Variants in KIF26B observed in about 807,000 individuals in gnomAD.
KIF26B encodes the protein kinesin-like protein KIF26B.
KIF26B carries 63 observed loss-of-function variants against 151.2 expected under a neutral mutation model. The observed-to-expected ratio is 0.42, with a 90% CI of 0.34 to 0.51. The LOEUF (loss-of-function observed/expected upper bound fraction) is 0.51, where lower values mean the gene tolerates loss of function less well. Among genes scored for constraint, KIF26B ranks in the 20% least tolerant of loss-of-function variants. The pLI is 0.07. For synonymous variants in KIF26B, 1,357 were observed against 1,262.1 expected, an observed-to-expected ratio of 1.08 and a Z score of -1.59; for missense variants, 2,813 against 2,913.6, an observed-to-expected ratio of 0.97 and a Z score of 0.79.
At chr1:245,437,020 G>T (rs1658952468) in intron 4 of KIF26B, among the ~76,000 whole-genome samples, 1 of 151,614 alleles carries the variant, frequency 6.6e-6, no homozygotes, top group Admixed American at 6.6e-5. Context: ...CCAAGTAGCT[G>T]GGATTACAGG....
chr1:245,548,284 TAA>T (rs56942606), intron 5 of KIF26B, among the ~76,000 whole-genome samples: 8 of 149,742 alleles, frequency 5.3e-5, no homozygotes, highest in African/African-American at 1.5e-4. Flanking sequence ...TGGTTGAACT[TAA>T]AAAAAAAAAT....
chr1:245,295,800 G>T (rs1475439650), intron 2 of KIF26B, among the ~76,000 whole-genome samples: 1 of 152,128 alleles, frequency 6.6e-6, no homozygotes, highest in Non-Finnish European at 1.5e-5. Context: ...TTCTGAGCAC[G>T]CTGGATTTGC....
rs377057696 is a variant in KIF26B, at chr1:245,584,774, G to A, written c.1351-17803G>A. Among the ~76,000 whole-genome samples the A allele has an allele frequency of 1.1e-3, 162 of 152,294 alleles. 2 individuals are homozygous for A. In the South Asian group the frequency reaches 0.031, roughly 29 times the overall value. On this transcript the variant is annotated intron_variant, in intron 5 of 14. Coordinates refer to ENST00000407071, the MANE Select transcript of KIF26B (RefSeq NM_018012.4). ...CCAAATAAATATAGATCCAGGAGTT[G>A]TACAACTTTTAAAAGAAAAATTCTT...
At chr1:245,522,059 C>T (rs555289152) in intron 4 of KIF26B, among the ~76,000 whole-genome samples, 191 of 152,090 alleles carry the variant, frequency 1.3e-3, no homozygotes, top group Admixed American at 2.9e-3. Flanking sequence ...TTAGTAGAGA[C>T]GGGGTTTCAC....
At position 245,352,422 on chromosome 1, in the gene KIF26B, C is replaced by G. The variant is rs1379652014; in HGVS notation, c.466-14412C>G. On this transcript the variant is annotated intron_variant, in intron 2 of 14. Coordinates refer to ENST00000407071, the MANE Select transcript of KIF26B (RefSeq NM_018012.4). The surrounding 1 kb of genome is among the most constrained non-coding windows in gnomAD (Gnocchi z 5.0). ...GGGATTACAGGCACCCACCACCACA[C>G]CTGGCTAATTTTTGTATTTTCAGTA... Among the ~76,000 whole-genome samples, 1 of 152,150 alleles carries G rather than the reference C, an allele frequency of 6.6e-6. No homozygotes were observed. The highest frequency in any genetic ancestry group is 1.5e-5 in the Non-Finnish European group (1 of 68,038).
Position 245,698,973 on chromosome 1 carries a change from G to A in KIF26B, c.6114G>A (p.Leu2038=). The part of the protein sequence containing the change: ...IAEVRAKYEW[L]MKELEATKQY... ...AGGTCCGCGCGAAGTACGAGTGGCT[G>A]ATGAAGGAGCTGGAGGCGACCAAAC... is the stretch of plus-strand genomic sequence containing the variant. The change falls in exon 14 of 15, where the codon CTG becomes CTA. Residue 2038 remains leucine, a synonymous_variant. Transcript: ENST00000407071. The surrounding 1 kb of genome is among the most constrained non-coding windows in gnomAD (Gnocchi z 4.0). 6.2e-7 allele frequency: 1 copy of A among 1,614,060 alleles called. No homozygotes were observed. The highest frequency in any genetic ancestry group is 8.5e-7 in the Non-Finnish European group (1 of 1,179,906).
intron 2 of KIF26B, among the ~76,000 whole-genome samples, chr1:245,335,583 G>A (rs1333862567): frequency 6.6e-6 from 1 of 151,892 alleles, no homozygotes; most frequent in Non-Finnish European, 1.5e-5. Context: ...AGAGTCCCAC[G>A]CGGGAAAAGG....
rs140246609 is a variant in KIF26B, at chr1:245,360,749, C to T, written c.466-6085C>T. ...AAAACTGGCCAGGCAGAGTGGCTCA[C>T]GCCTGTAATCCCAGAACTTTGGGAG... On this transcript the variant is annotated intron_variant, in intron 2 of 14. Transcript: ENST00000407071. Among the ~76,000 whole-genome samples, 239 of 152,276 alleles carry T rather than the reference C, an allele frequency of 1.6e-3. 1 individual carries two copies. The highest frequency in any genetic ancestry group is 5.3e-3 in the African/African-American group (222 of 41,550).
chr1:245,382,068 T>C (rs1169718484), intron 3 of KIF26B, among the ~76,000 whole-genome samples: 1 of 152,212 alleles, frequency 6.6e-6, no homozygotes, highest in Non-Finnish European at 1.5e-5. Context: ...TTGCTCTCAA[T>C]TCTTTTGGAT....
At chr1:245,640,651 G>C (rs926773222) in intron 9 of KIF26B, among the ~76,000 whole-genome samples, 4 of 151,858 alleles carry the variant, frequency 2.6e-5, no homozygotes, top group African/African-American at 7.2e-5. Flanking sequence ...TTAATTTGCT[G>C]CTTTTATTTT....
intron 2 of KIF26B, among the ~76,000 whole-genome samples, chr1:245,187,759 G>A (rs1669024967): frequency 6.6e-6 from 1 of 152,066 alleles, no homozygotes; most frequent in East Asian, 1.9e-4. Flanking sequence ...CACTTTTCGT[G>A]GCTATAAGAG....
chr1:245,492,691 GC>G (rs1251070894), intron 4 of KIF26B, among the ~76,000 whole-genome samples: 1 of 152,188 alleles, frequency 6.6e-6, no homozygotes, highest in African/African-American at 2.4e-5. Flanking sequence ...AATATCATTA[GC>G]CTCCCATAGT....
At chr1:245,689,193 G>A (rs577962816) in intron 12 of KIF26B, among the ~76,000 whole-genome samples, 1 of 152,350 alleles carries the variant, frequency 6.6e-6, no homozygotes, top group African/African-American at 2.4e-5. Context: ...TCGCTCTGGG[G>A]GCAGCCTGGC....
At chr1:245,163,228 G>A (rs758863898) in intron 2 of KIF26B, among the ~76,000 whole-genome samples, 1 of 152,076 alleles carries the variant, frequency 6.6e-6, no homozygotes, top group Non-Finnish European at 1.5e-5. Flanking sequence ...TGCAACCTCC[G>A]CCTCCCAAGT....
intron 2 of KIF26B, among the ~76,000 whole-genome samples, chr1:245,264,914 C>T (rs980400791): frequency 2.0e-5 from 3 of 148,190 alleles, no homozygotes; most frequent in Non-Finnish European, 3.0e-5. Context: ...AAAAAAAGAG[C>T]CCTGGCCAGG....
At chr1:245,675,285 T>C (rs960411347) in intron 10 of KIF26B, among the ~76,000 whole-genome samples, 4 of 152,136 alleles carry the variant, frequency 2.6e-5, no homozygotes, top group African/African-American at 9.7e-5. Flanking sequence ...GCATGATTGA[T>C]TGATTGATTT....
chr1:245,155,618 G>T (rs1047230346), intron 1 of KIF26B, 131 bp downstream of exon 1: 4 of 751,700 alleles, frequency 5.3e-6, no homozygotes, highest in Non-Finnish European at 8.3e-6. Context: ...GGGCTGGCGG[G>T]GTTGTGAGTG....
At chr1:245,415,153 G>A (rs541348646) in intron 3 of KIF26B, among the ~76,000 whole-genome samples, 2 of 152,154 alleles carry the variant, frequency 1.3e-5, no homozygotes, top group South Asian at 4.1e-4. Flanking sequence ...ACACATCTGA[G>A]GGCATCCCTT....
chr1:245,526,091 C>T (rs1361255172), intron 4 of KIF26B, among the ~76,000 whole-genome samples: 1 of 152,162 alleles, frequency 6.6e-6, no homozygotes, highest in Admixed American at 6.5e-5. Flanking sequence ...GGTTTCTTTA[C>T]AATTAACTAG....
Sources: allele counts gnomAD v4.1 joint callset (sites outside exome capture counted in the v4.1 genomes callset), GRCh38; gene constraint gnomAD v4.1.1; non-coding constraint Gnocchi (gnomAD v3.1); transcripts MANE v1.5; gene names NCBI Gene and HGNC (gene_info 2026-07-23, HGNC 2026-07-21).